ADAMTSL1: variants seen among roughly 807,000 people sequenced by gnomAD.
ADAMTSL1 encodes ADAMTS-like protein 1.
ADAMTSL1 carries 126 observed loss-of-function variants against 201.8 expected under a neutral mutation model. The ratio of observed to expected loss-of-function variants is 0.62; its 90% CI spans 0.54 to 0.72. The LOEUF is 0.72. ADAMTSL1 is among the 30% of genes least tolerant of loss of function. The pLI is 0.00. For synonymous variants in ADAMTSL1, 1,121 were observed against 903.4 expected (o/e 1.24, Z -4.32); for missense variants, 2,679 against 2,277.8 (o/e 1.18, Z -3.59).
At chr9:18,470,722 C>G (rs144618102), upstream of ADAMTSL1, among the ~76,000 whole-genome samples, 20 of 152,316 alleles carry the variant, frequency 1.3e-4, no homozygotes, top group Non-Finnish European at 2.6e-4. Context: ...TCACTCTTTC[C>G]TCCCATAAAG....
At chr9:17,985,212 T>C (rs1029095648) in intron 1 of ADAMTSL1, among the ~76,000 whole-genome samples, 1 of 152,136 alleles carries the variant, frequency 6.6e-6, no homozygotes, top group Non-Finnish European at 1.5e-5. Flanking sequence ...TTTCTCTTTT[T>C]TGATGGTTAA....
chr9:18,432,975 T>C (rs1431529465), intron 2 of ADAMTSL1, among the ~76,000 whole-genome samples: 3 of 152,194 alleles, frequency 2.0e-5, no homozygotes, highest in African/African-American at 7.2e-5. Flanking sequence ...TTACTCAAAA[T>C]ATGCAACACT....
chr9:18,201,966 C>T (rs1336878206), intron 2 of ADAMTSL1, among the ~76,000 whole-genome samples: 1 of 152,060 alleles, frequency 6.6e-6, no homozygotes, highest in Non-Finnish European at 1.5e-5. Flanking sequence ...AAATATCATG[C>T]ATTAAATTGA....
intron 23 of ADAMTSL1, among the ~76,000 whole-genome samples, chr9:18,879,084 G>A (rs6475266): frequency 1.3e-4 from 20 of 152,246 alleles, no homozygotes; most frequent in South Asian, 4.1e-4. Flanking sequence ...GCTTAGTTCC[G>A]TTTCACTATA....
chr9:18,419,920 G>A (rs1818865013), intron 2 of ADAMTSL1, among the ~76,000 whole-genome samples: 2 of 151,882 alleles, frequency 1.3e-5, no homozygotes, highest in South Asian at 4.2e-4. Context: ...AGTAGAGATG[G>A]GGTTTCACCA....
At chr9:18,155,698 A>C (rs1827122857) in intron 1 of ADAMTSL1, among the ~76,000 whole-genome samples, 2 of 152,192 alleles carry the variant, frequency 1.3e-5, no homozygotes, top group Admixed American at 6.5e-5. Flanking sequence ...ATGTCAGTGC[A>C]GAGAGAGAAG....
At chr9:18,250,611 A>G (rs1462228119) in intron 2 of ADAMTSL1, among the ~76,000 whole-genome samples, 1 of 152,038 alleles carries the variant, frequency 6.6e-6, no homozygotes. Flanking sequence ...TACGGAGTTG[A>G]TCTCGGTGAC....
intron 2 of ADAMTSL1, among the ~76,000 whole-genome samples, chr9:18,170,033 T>C (rs781099474): frequency 1.4e-4 from 22 of 151,986 alleles, no homozygotes; most frequent in African/African-American, 5.3e-4. Context: ...AGTTATATGA[T>C]ATTACAAAGA....
chr9:18,679,492 GA>G (rs71333060), intron 10 of ADAMTSL1, among the ~76,000 whole-genome samples: 25,784 of 149,138 alleles, frequency 0.17, 2,268 homozygotes, highest in South Asian at 0.21. Context: ...GTAAAGCTCT[GA>G]AAAAAAAAAT....
chr9:18,004,879 C>T (rs184648018), intron 1 of ADAMTSL1, among the ~76,000 whole-genome samples: 2 of 152,028 alleles, frequency 1.3e-5, no homozygotes, highest in Non-Finnish European at 2.9e-5. Context: ...TGAAGACGTA[C>T]CAAATGTAAC....
intron 1 of ADAMTSL1, among the ~76,000 whole-genome samples, chr9:18,056,311 T>C (rs1822182496): frequency 6.6e-6 from 1 of 152,210 alleles, no homozygotes; most frequent in African/African-American, 2.4e-5. Flanking sequence ...TCTGAGTTTC[T>C]TCCTTTCTGA....
intron 13 of ADAMTSL1, among the ~76,000 whole-genome samples, chr9:18,686,480 C>G (rs1218965542): frequency 6.6e-6 from 1 of 152,086 alleles, no homozygotes; most frequent in Admixed American, 6.5e-5. Context: ...ATAAGCAGTT[C>G]TTTTTAGGGG....
chr9:18,475,719 A>C (rs945795295), intron 1 of ADAMTSL1, among the ~76,000 whole-genome samples: 4 of 152,084 alleles, frequency 2.6e-5, no homozygotes, highest in African/African-American at 9.7e-5. Flanking sequence ...ACTTGTATAC[A>C]CCATTAGTTT....
chr9:18,524,472 A>G (rs948627342), intron 2 of ADAMTSL1, among the ~76,000 whole-genome samples: 1 of 152,146 alleles, frequency 6.6e-6, no homozygotes, highest in Non-Finnish European at 1.5e-5. Flanking sequence ...AACTTCCAAC[A>G]CTATGTTGAA....
At chr9:18,907,021 A>C in intron 28 of ADAMTSL1, 109 bp downstream of exon 28, 1 of 1,266,172 alleles carries the variant, frequency 7.9e-7, no homozygotes, top group Non-Finnish European at 1.1e-6. Flanking sequence ...CAGCTTCCCC[A>C]GGGATTGTGA....
chr9:18,400,715 T>C (rs934982357), intron 2 of ADAMTSL1, among the ~76,000 whole-genome samples: 1 of 152,184 alleles, frequency 6.6e-6, no homozygotes, highest in Admixed American at 6.5e-5. Context: ...CAGACTATCT[T>C]TGGGTTCTAT....
intron 4 of ADAMTSL1, among the ~76,000 whole-genome samples, chr9:18,589,420 A>G (rs1257877957): frequency 4.6e-5 from 7 of 152,096 alleles, no homozygotes; most frequent in Admixed American, 4.6e-4. Context: ...TTGTATGTTG[A>G]TTTTGCATCC....
chr9:17,952,917 C>CCCTCCT (rs59567399), intron 1 of ADAMTSL1, among the ~76,000 whole-genome samples: 11,714 of 145,164 alleles, frequency 0.081, 669 homozygotes, highest in South Asian at 0.15. Context: ...TTCCTCCTTT[C>CCCTCCT]CCTCCTCCTC....
At chr9:18,291,731 TCTCTCTCTCTCTCTCTCA>T (rs1833273656) in intron 2 of ADAMTSL1, among the ~76,000 whole-genome samples, 1 of 128,856 alleles carries the variant, frequency 7.8e-6, no homozygotes, top group African/African-American at 3.2e-5. Flanking sequence ...TCTCTCTCTC[TCTCTCTCTCTCTCTCTCA>T]CACACACACA....
Sources: allele counts gnomAD v4.1 joint callset (sites outside exome capture counted in the v4.1 genomes callset), GRCh38; gene constraint gnomAD v4.1.1; transcripts MANE v1.5; gene names NCBI Gene and HGNC (gene_info 2026-07-23, HGNC 2026-07-21).